Variants in ZNF18 observed in about 807,000 individuals in gnomAD.
ZNF18 encodes heart development-specific gene 1 protein.
Under a neutral mutation model 58.1 loss-of-function variants are expected in ZNF18, and 42 were observed. That is an observed-to-expected ratio of 0.72 (90% CI 0.56 to 0.93). The LOEUF (loss-of-function observed/expected upper bound fraction) is 0.93, where lower values mean the gene tolerates loss of function less well. ZNF18 is among the 40% of genes least tolerant of loss of function. The pLI is 0.00. For missense variants in ZNF18, 540 were observed against 644.2 expected, an observed-to-expected ratio of 0.84 and a Z score of 1.75; for synonymous variants, 231 against 239.8, an observed-to-expected ratio of 0.96 and a Z score of 0.34.
the ZNF18 span, among the ~76,000 whole-genome samples, chr17:12,009,837 G>A: frequency 1.3e-5 from 2 of 152,110 alleles, no homozygotes; most frequent in South Asian, 4.1e-4. Context: ...TTTGCTTCTT[G>A]AAAAACCACT....
At chr17:12,012,086 T>C in the ZNF18 span, among the ~76,000 whole-genome samples, 44 of 152,308 alleles carry the variant, frequency 2.9e-4, no homozygotes, top group Middle Eastern at 0.017. Context: ...TAATGTAAAG[T>C]GTCCCTCTCA....
At chr17:11,986,271 T>C (rs1192451618) in intron 4 of ZNF18, among the ~76,000 whole-genome samples, 4 of 152,240 alleles carry the variant, frequency 2.6e-5, no homozygotes, top group African/African-American at 9.6e-5. Context: ...TAAACCTCTT[T>C]CTTTTGTAAA....
intron 6 of ZNF18, among the ~76,000 whole-genome samples, chr17:11,981,339 G>C (rs1168116876): frequency 8.0e-5 from 11 of 136,674 alleles, no homozygotes; most frequent in African/African-American, 2.7e-4. Flanking sequence ...TTTTTTTTGA[G>C]ACAGAGTTTC....
At chr17:12,004,546 G>A in the ZNF18 span, among the ~76,000 whole-genome samples, 2 of 152,024 alleles carry the variant, frequency 1.3e-5, no homozygotes, top group Non-Finnish European at 2.9e-5. Context: ...AATCAGATCC[G>A]ACCAAAGCCA....
chr17:11,988,725 T>C (rs151261514), intron 4 of ZNF18, among the ~76,000 whole-genome samples: 1 of 152,288 alleles, frequency 6.6e-6, no homozygotes, highest in East Asian at 1.9e-4. Flanking sequence ...TGTAATAAAC[T>C]GTGTCCAAAT....
chr17:11,990,529 G>A lies in ZNF18; in HGVS notation c.599C>T (p.Ala200Val). The change falls in exon 4 of 7, where the codon GCC (alanine) becomes GTC (valine). Residue 200 changes from alanine to valine, a missense_variant. Coordinates refer to ENST00000580306, the MANE Select transcript of ZNF18 (RefSeq NM_001303281.2). ...TCTGATCAGCCTTTCCTCCAGTCGG[G>A]CAGGCTGGGAGGCAGCCAGGGCTGA... ...AELALAASQP[A>V]RLEERLIRDQ... 1.2e-6 allele frequency: 2 copies of A among 1,610,954 alleles called. No individual in the cohort carries two copies. The highest frequency in any genetic ancestry group is 1.1e-5 in the South Asian group (1 of 89,992).
chr17:11,984,142 A>G lies in ZNF18; in HGVS notation c.722T>C (p.Leu241Pro). ...TGAGACCATTTTCCCATAGGTCTCC[A>G]GCATGAGATCCCAGTATTGCTCCTT... Reference protein sequence around the residue: ...TQKEQYWDLMLETYGKMVSGA... With the variant: ...TQKEQYWDLMPETYGKMVSGA... Residue 241 changes from leucine to proline, a missense_variant, in exon 5 of 7, where the codon CTG becomes CCG. Transcript: ENST00000580306. 1 of 1,613,464 alleles carries G rather than the reference A, an allele frequency of 6.2e-7. No homozygotes were observed. Among genetic ancestry groups the G allele is most frequent in the Non-Finnish European group, 8.5e-7 (1 of 1,179,754 alleles).
At chr17:12,006,401 G>C in the ZNF18 span, among the ~76,000 whole-genome samples, 2 of 152,150 alleles carry the variant, frequency 1.3e-5, no homozygotes, top group African/African-American at 2.4e-5. Context: ...TAAAATGAGA[G>C]ATAAAAATGC....
intron 6 of ZNF18, among the ~76,000 whole-genome samples, chr17:11,982,408 T>C (rs1041489795): frequency 4.6e-5 from 7 of 152,204 alleles, no homozygotes; most frequent in African/African-American, 1.4e-4. Flanking sequence ...ATTTCACGAC[T>C]CACTAATTGG....
chr17:12,007,369 G>A, the ZNF18 span, among the ~76,000 whole-genome samples: 4 of 152,190 alleles, frequency 2.6e-5, no homozygotes, highest in Admixed American at 1.3e-4. Context: ...ATCTTAGAGC[G>A]ATTGTGGAAG....
intron 6 of ZNF18, among the ~76,000 whole-genome samples, chr17:11,981,844 C>T (rs988311908): frequency 6.6e-6 from 1 of 152,144 alleles, no homozygotes; most frequent in Non-Finnish European, 1.5e-5. Flanking sequence ...CCTTTTCTGA[C>T]TACAACCCAC....
chr17:12,008,647 A>G, the ZNF18 span, among the ~76,000 whole-genome samples: 2 of 152,208 alleles, frequency 1.3e-5, no homozygotes, highest in Non-Finnish European at 2.9e-5. Context: ...TGAGCTGTAG[A>G]GCCTGCTGGG....
At chr17:12,008,045 G>A in the ZNF18 span, among the ~76,000 whole-genome samples, 2 of 152,184 alleles carry the variant, frequency 1.3e-5, no homozygotes, top group Non-Finnish European at 2.9e-5. Context: ...GAGGGCCACT[G>A]CAGAGTGCCT....
intron 1 of ZNF18, among the ~76,000 whole-genome samples, chr17:11,995,833 A>C (rs1217746629): frequency 6.6e-6 from 1 of 152,174 alleles, no homozygotes; most frequent in African/African-American, 2.4e-5. Context: ...AACAGACCAT[A>C]TGCATAATTT....
chr17:12,003,058 T>C, the ZNF18 span, among the ~76,000 whole-genome samples: 1 of 152,216 alleles, frequency 6.6e-6, no homozygotes, highest in African/African-American at 2.4e-5. Flanking sequence ...TAAGGACTAT[T>C]GAGAGAACAG....
the ZNF18 span, among the ~76,000 whole-genome samples, chr17:12,007,533 T>A: frequency 6.6e-6 from 1 of 152,172 alleles, no homozygotes; most frequent in South Asian, 2.1e-4. Context: ...CCTGACTCCT[T>A]GCTGGACTGA....
chr17:11,990,280 G>A (rs1240945119), intron 4 of ZNF18, among the ~76,000 whole-genome samples, 182 bp downstream of exon 4: 1 of 152,016 alleles, frequency 6.6e-6, no homozygotes, highest in African/African-American at 2.4e-5. Flanking sequence ...TAAGAACAAA[G>A]ATAAGAGTAC....
At chr17:12,000,188 T>C (rs578217514), upstream of ZNF18, among the ~76,000 whole-genome samples, 66 of 152,220 alleles carry the variant, frequency 4.3e-4, 1 homozygote, top group Non-Finnish European at 4.4e-5. Flanking sequence ...CCCAAAGTGC[T>C]GGAATTACAG....
chr17:12,012,523 T>C, the ZNF18 span, among the ~76,000 whole-genome samples: 5 of 152,226 alleles, frequency 3.3e-5, no homozygotes, highest in African/African-American at 9.6e-5. Flanking sequence ...TTAATTTTGA[T>C]AGCCATTATT....
Sources: allele counts gnomAD v4.1 joint callset (sites outside exome capture counted in the v4.1 genomes callset), GRCh38; gene constraint gnomAD v4.1.1; transcripts MANE v1.5; gene names NCBI Gene and HGNC (gene_info 2026-07-23, HGNC 2026-07-21).